NOL4: variants seen among roughly 807,000 people sequenced by gnomAD.
The protein encoded by NOL4 is cancer/testis antigen 125.
Under a neutral mutation model 75.9 loss-of-function variants are expected in NOL4, and 17 were observed. The ratio of observed to expected loss-of-function variants is 0.22; its 90% CI spans 0.15 to 0.34. The LOEUF (loss-of-function observed/expected upper bound fraction) is 0.34. NOL4 is among the 10% of genes least tolerant of loss of function. The probability of loss-of-function intolerance (pLI) is 1.00; values close to 1 mark genes in which losing one functional copy is unlikely to be tolerated. For synonymous variants in NOL4, 292 were observed against 289.9 expected (o/e 1.01, Z -0.07); for missense variants, 614 against 793.5 (o/e 0.77, Z 2.72).
intron 1 of NOL4, among the ~76,000 whole-genome samples, chr18:34,167,561 T>TAGATAGATAGATAGAC (rs1200688846): frequency 2.0e-4 from 30 of 150,696 alleles, no homozygotes; most frequent in East Asian, 3.9e-4. Flanking sequence ...GATAGATAGA[T>TAGATAGATAGATAGAC]AGACAGACAG....
intron 5 of NOL4, among the ~76,000 whole-genome samples, chr18:34,065,023 A>T (rs1322981854): frequency 6.6e-6 from 1 of 151,916 alleles, no homozygotes; most frequent in East Asian, 1.9e-4. Flanking sequence ...CTATAGAAAC[A>T]ATCTATAGAA....
intron 1 of NOL4, among the ~76,000 whole-genome samples, chr18:34,134,487 C>G (rs1213403364): frequency 1.4e-5 from 2 of 145,676 alleles, no homozygotes; most frequent in Admixed American, 1.4e-4. Context: ...CACACACACA[C>G]ACACACACAT....
chr18:34,097,718 T>C (rs1161719679), intron 4 of NOL4, among the ~76,000 whole-genome samples: 1 of 152,198 alleles, frequency 6.6e-6, no homozygotes, highest in Non-Finnish European at 1.5e-5. Flanking sequence ...TAACTGACAA[T>C]CCTTTGTTGT....
At chr18:34,124,118 G>A (rs1006497650) in intron 2 of NOL4, among the ~76,000 whole-genome samples, 1 of 152,026 alleles carries the variant, frequency 6.6e-6, no homozygotes, top group African/African-American at 2.4e-5. Context: ...GTATTAAAAA[G>A]GCAGGAACCT....
chr18:33,955,639 T>C (rs1013515366), intron 8 of NOL4, among the ~76,000 whole-genome samples: 1 of 152,082 alleles, frequency 6.6e-6, no homozygotes, highest in Non-Finnish European at 1.5e-5. Flanking sequence ...AGTCCCGGTG[T>C]TGAGAACAGG....
intron 1 of NOL4, among the ~76,000 whole-genome samples, chr18:34,153,154 C>G (rs1434688564): frequency 6.6e-6 from 1 of 151,700 alleles, no homozygotes; most frequent in Admixed American, 6.6e-5. Flanking sequence ...TTTTCATATA[C>G]CCATGTACTC....
intron 5 of NOL4, among the ~76,000 whole-genome samples, chr18:34,026,857 T>A (rs8084938): frequency 0.32 from 47,881 of 151,848 alleles, 7,802 homozygotes; most frequent in African/African-American, 0.35. Flanking sequence ...AAAGTTTTGT[T>A]GACAAACATA....
intron 1 of NOL4, among the ~76,000 whole-genome samples, chr18:34,198,600 T>C (rs936482229): frequency 5.9e-5 from 9 of 151,972 alleles, no homozygotes; most frequent in East Asian, 5.8e-4. Flanking sequence ...ATAATGCATA[T>C]GCAACTTTAA....
chr18:33,952,043 T>C (rs921207613), intron 8 of NOL4, among the ~76,000 whole-genome samples: 1 of 152,206 alleles, frequency 6.6e-6, no homozygotes, highest in Non-Finnish European at 1.5e-5. Context: ...AGTTTCCTAC[T>C]CATTTCAGGT....
At chr18:34,150,960 A>G (rs1284230424) in intron 1 of NOL4, among the ~76,000 whole-genome samples, 1 of 151,820 alleles carries the variant, frequency 6.6e-6, no homozygotes, top group East Asian at 1.9e-4. Flanking sequence ...ACACCTCACC[A>G]AAGAAGATGC....
intron 2 of NOL4, among the ~76,000 whole-genome samples, chr18:34,129,387 T>C (rs964275677): frequency 6.6e-5 from 10 of 151,720 alleles, no homozygotes; most frequent in Non-Finnish European, 1.0e-4. Context: ...GATAAATACA[T>C]TGAATATAAG....
chr18:34,215,367 G>A (rs955034775), intron 1 of NOL4, among the ~76,000 whole-genome samples: 1 of 152,126 alleles, frequency 6.6e-6, no homozygotes, highest in African/African-American at 2.4e-5. Flanking sequence ...CATTATGCCA[G>A]GTACTGGAGA....
At chr18:33,944,637 A>AT (rs1291398134) in intron 8 of NOL4, among the ~76,000 whole-genome samples, 2 of 151,826 alleles carry the variant, frequency 1.3e-5, no homozygotes, top group East Asian at 3.9e-4. Context: ...TTGGAATGTC[A>AT]TTTTTGCAAA....
Position 33,981,551 on chromosome 18 carries a change from GC to G in NOL4, c.1057-23134del, listed in dbSNP as rs141785171. Among the ~76,000 whole-genome samples the G allele has an allele frequency of 4.0e-3, 605 of 152,074 alleles. 6 individuals are homozygous for G. Among genetic ancestry groups the G allele is most frequent in the African/African-American group, 0.013 (556 of 41,532 alleles). ...GAAATACTTAGTGATGATTAAAAAA[GC>G]CCCAGCTAACTAGAATTCTGTATCT... On this transcript the variant is annotated intron_variant, in intron 6 of 10. Transcript: ENST00000261592.
chr18:33,851,386 C>T lies in NOL4; in HGVS notation c.*1456G>A, dbSNP rs1416723987. On this transcript the variant is annotated 3_prime_UTR_variant, in exon 11 of 11. Coordinates refer to ENST00000261592, the MANE Select transcript of NOL4 (RefSeq NM_003787.5). ...AAAAGCATAGCAATGTCCACAGTTA[C>T]AAGAAAAAGTGCACATTACTCGGTC... is the stretch of plus-strand genomic sequence containing the variant. 1.3e-5 allele frequency: 2 copies of T among 152,188 alleles called. No individual in the cohort carries two copies. The highest frequency in any genetic ancestry group is 1.9e-4 in the East Asian group (1 of 5,178). The allele number at this position is 152,188 out of a possible 1,614,324, so 9.4% of individuals were successfully genotyped here.
intron 6 of NOL4, among the ~76,000 whole-genome samples, chr18:34,017,365 A>G (rs1032310995): frequency 6.6e-6 from 1 of 152,140 alleles, no homozygotes; most frequent in Non-Finnish European, 1.5e-5. Context: ...TTTTAATTGC[A>G]TAAATTTAAG....
At chr18:33,895,297 T>A (rs1172490873) in intron 9 of NOL4, among the ~76,000 whole-genome samples, 1 of 152,068 alleles carries the variant, frequency 6.6e-6, no homozygotes, top group African/African-American at 2.4e-5. Context: ...CTCTTAAAAC[T>A]TCCCCGATCA....
At chr18:34,071,874 G>A (rs757207151) in intron 5 of NOL4, among the ~76,000 whole-genome samples, 2 of 152,036 alleles carry the variant, frequency 1.3e-5, no homozygotes, top group African/African-American at 2.4e-5. Context: ...AATGAGGGGG[G>A]AATGTACCTA....
intron 5 of NOL4, among the ~76,000 whole-genome samples, chr18:34,022,162 G>A (rs534149728): frequency 1.3e-5 from 2 of 150,902 alleles, no homozygotes; most frequent in Non-Finnish European, 2.9e-5. Flanking sequence ...AAGCACATTA[G>A]GTTTAAGTTT....
Sources: allele counts gnomAD v4.1 joint callset (sites outside exome capture counted in the v4.1 genomes callset), GRCh38; gene constraint gnomAD v4.1.1; transcripts MANE v1.5; gene names NCBI Gene and HGNC (gene_info 2026-07-23, HGNC 2026-07-21).